Variants in OLAH observed in about 807,000 individuals in gnomAD.
The protein encoded by OLAH is S-acyl fatty acid synthase thioesterase, medium chain.
In OLAH, 33 loss-of-function variants were observed where a neutral mutation model predicts 27.8. The ratio of observed to expected loss-of-function variants is 1.19; its 90% CI spans 0.90 to 1.59. The LOEUF (loss-of-function observed/expected upper bound fraction) is 1.59. Ranked by LOEUF, OLAH falls within the 40% of genes most tolerant of loss-of-function variation. OLAH has a pLI of 0.00. For synonymous variants in OLAH, 120 were observed against 102.9 expected, an observed-to-expected ratio of 1.17 and a Z score of -1.01; for missense variants, 359 against 310.8, an observed-to-expected ratio of 1.16 and a Z score of -1.17.
intron 3 of OLAH, among the ~76,000 whole-genome samples, chr10:15,051,883 T>C (rs1844150945): frequency 6.6e-6 from 1 of 152,208 alleles, no homozygotes; most frequent in Non-Finnish European, 1.5e-5. Flanking sequence ...GGATATACAG[T>C]GCTTGTTGCA....
chr10:15,044,997 A>C (rs774655981), intron 1 of OLAH, among the ~76,000 whole-genome samples: 4 of 152,124 alleles, frequency 2.6e-5, no homozygotes, highest in Non-Finnish European at 5.9e-5. Context: ...TCTCTGGAGT[A>C]TTGTCTCTGT....
rs1844628944 is a variant in OLAH at position 15,073,257 on chromosome 10, T to A, written c.*28T>A. 7.0e-7 allele frequency: 1 copy of A among 1,419,252 alleles called. No individual in the cohort carries two copies. The highest frequency in any genetic ancestry group is 1.2e-5 in the South Asian group (1 of 83,422). The allele number at this position is 1,419,252 out of a possible 1,614,324, so 87.9% of individuals were successfully genotyped here. On this transcript the variant is annotated 3_prime_UTR_variant, in exon 8 of 8. Coordinates refer to ENST00000378228, the MANE Select transcript of OLAH (RefSeq NM_001039702.3). ...ATTTTCCCTTTCACTTTTAAAATAA[T>A]CAAAGTAATATCATACTCTTCTCAG...
chr10:15,050,933 A>G (rs1161022863), intron 3 of OLAH, among the ~76,000 whole-genome samples: 1 of 151,916 alleles, frequency 6.6e-6, no homozygotes, highest in Non-Finnish European at 1.5e-5. Flanking sequence ...ACTATTCTGT[A>G]TGTCTCTATT....
intron 1 of OLAH, among the ~76,000 whole-genome samples, chr10:15,035,702 T>G (rs948052471): frequency 1.3e-5 from 2 of 152,068 alleles, no homozygotes; most frequent in African/African-American, 4.8e-5. Flanking sequence ...CAAAAGCATT[T>G]TACGCTATCT....
At chr10:15,039,739 T>C (rs1843893209), upstream of OLAH, among the ~76,000 whole-genome samples, 2 of 152,140 alleles carry the variant, frequency 1.3e-5, no homozygotes, top group Non-Finnish European at 2.9e-5. Context: ...GAAGGCAACA[T>C]TTCAGGAGGT....
chr10:15,047,071 T>C, intron 1 of OLAH, 55 bp from the exon 2 acceptor site: 1 of 460,346 alleles, frequency 2.2e-6, no homozygotes, highest in Middle Eastern at 6.0e-4. Context: ...CTGTCATTTT[T>C]TTCTCTTCTC....
chr10:15,035,488 G>C (rs1337548279), intron 1 of OLAH, among the ~76,000 whole-genome samples: 1 of 152,150 alleles, frequency 6.6e-6, no homozygotes, highest in African/African-American at 2.4e-5. Flanking sequence ...AGGAGCAAAA[G>C]AGAAAGCTGG....
intron 1 of OLAH, among the ~76,000 whole-genome samples, chr10:15,034,962 C>G (rs1486801004): frequency 6.6e-6 from 1 of 151,916 alleles, no homozygotes; most frequent in Non-Finnish European, 1.5e-5. Context: ...CCACCACGCC[C>G]CACTGATTTT....
At chr10:15,048,197 C>A (rs1050419508) in intron 2 of OLAH, among the ~76,000 whole-genome samples, 2 of 152,012 alleles carry the variant, frequency 1.3e-5, no homozygotes, top group Non-Finnish European at 2.9e-5. Context: ...GATAAAATTC[C>A]GGTGACATTA....
intron 3 of OLAH, among the ~76,000 whole-genome samples, chr10:15,059,987 A>T (rs940978123): frequency 5.9e-5 from 9 of 151,694 alleles, no homozygotes; most frequent in African/African-American, 2.2e-4. Context: ...TGGATCTACG[A>T]CTTTGTAAGT....
intron 1 of OLAH, among the ~76,000 whole-genome samples, chr10:15,035,484 A>G (rs1410839859): frequency 6.6e-6 from 1 of 152,180 alleles, no homozygotes; most frequent in Non-Finnish European, 1.5e-5. Context: ...AAGCAGGAGC[A>G]AAAGAGAAAG....
At chr10:15,064,102 A>G (rs1844419982) in intron 4 of OLAH, among the ~76,000 whole-genome samples, 1 of 152,344 alleles carries the variant, frequency 6.6e-6, no homozygotes, top group Non-Finnish European at 1.5e-5. Flanking sequence ...AGAACTGCGG[A>G]TATATACTGT....
chr10:15,058,233 T>C (rs1398948611), intron 3 of OLAH, among the ~76,000 whole-genome samples: 1 of 152,206 alleles, frequency 6.6e-6, no homozygotes, highest in African/African-American at 2.4e-5. Flanking sequence ...ACTATAGGAA[T>C]GTGCCACCAT....
At chr10:15,049,402 G>C (rs551593310) in intron 2 of OLAH, among the ~76,000 whole-genome samples, 17 of 151,984 alleles carry the variant, frequency 1.1e-4, no homozygotes, top group Non-Finnish European at 2.2e-4. Flanking sequence ...CAAATTGCTA[G>C]GATTACAGGC....
intron 6 of OLAH, among the ~76,000 whole-genome samples, chr10:15,067,042 G>T (rs1354233294): frequency 6.6e-6 from 1 of 152,182 alleles, no homozygotes; most frequent in Non-Finnish European, 1.5e-5. Flanking sequence ...ATTTTAAAAA[G>T]TTAAGTATAT....
rs552876269 is a variant in OLAH, at chr10:15,061,949, T to C, written c.302+87T>C. Reference sequence around the variant, plus strand: ...ATGTTATTCTTTGTGTTTTGTAAGATGCATACCTTTGTATTGGTTAGACAG... The same window carrying C: ...ATGTTATTCTTTGTGTTTTGTAAGACGCATACCTTTGTATTGGTTAGACAG... On this transcript the variant is annotated intron_variant, in intron 4 of 7. Coordinates refer to ENST00000378228, the MANE Select transcript of OLAH (RefSeq NM_001039702.3). The C allele has an allele frequency of 1.9e-4, 248 of 1,280,916 alleles. 2 individuals carry two copies. The South Asian group carries it at 3.4e-3, about 17-fold the overall frequency. 79.3% of individuals were successfully genotyped at this position (1,280,916 alleles called of 1,614,324 possible). A position where few individuals can be genotyped will look rare whatever the true frequency, so the allele number is the denominator to read the frequency against.
intron 1 of OLAH, among the ~76,000 whole-genome samples, chr10:15,035,582 G>C (rs889293845): frequency 6.6e-6 from 1 of 152,028 alleles, no homozygotes; most frequent in South Asian, 2.1e-4. Context: ...CGTGGGATCC[G>C]CCCCCTTGAC....
At position 15,064,567 on chromosome 10, in the gene OLAH, C is replaced by T. The variant is rs751241060; in HGVS notation, c.402+65C>T. 2.6e-5 allele frequency: 23 copies of T among 890,694 alleles called. No individual in the cohort carries two copies. In the Admixed American group the frequency reaches 6.2e-4, roughly 24 times the overall value. The allele number at this position is 890,694 out of a possible 1,614,324, so 55.2% of individuals were successfully genotyped here. Reference sequence around the variant, plus strand: ...GCAGGGAAATGGGGATAAAAATAAGCCATTATTTCTCTATCTGGTGAATTC... The same window carrying T: ...GCAGGGAAATGGGGATAAAAATAAGTCATTATTTCTCTATCTGGTGAATTC... On this transcript the variant is annotated intron_variant, in intron 5 of 7. Transcript: ENST00000378228.
At chr10:15,040,609 G>A (rs1029502143), upstream of OLAH, among the ~76,000 whole-genome samples, 7 of 151,240 alleles carry the variant, frequency 4.6e-5, no homozygotes, top group Non-Finnish European at 8.8e-5. Context: ...CCTTTCCCCC[G>A]TCCTAGATGA....
Sources: gnomAD v4.1 joint callset for allele counts (sites outside exome capture counted in the v4.1 genomes callset) on GRCh38, gnomAD v4.1.1 for gene constraint, MANE v1.5 for transcripts, NCBI Gene and HGNC (gene_info 2026-07-23, HGNC 2026-07-21) for gene names.